Variants in ANKRD62 observed in about 807,000 individuals in gnomAD.
ANKRD62 encodes the protein ankyrin repeat domain-containing protein 62.
In ANKRD62, 61 loss-of-function variants were observed where a neutral mutation model predicts 98.8. That is an observed-to-expected ratio of 0.62 (90% confidence interval 0.50 to 0.76). ANKRD62 has a LOEUF of 0.76. Ranked by LOEUF, ANKRD62 falls within the 30% of genes least tolerant of loss-of-function variation. The probability of loss-of-function intolerance (pLI) is 0.00; values close to 1 mark genes in which losing one functional copy is unlikely to be tolerated. For synonymous variants in ANKRD62, 341 were observed against 367.9 expected, an observed-to-expected ratio of 0.93 and a Z score of 0.84; for missense variants, 933 against 1,082.9, an observed-to-expected ratio of 0.86 and a Z score of 1.94.
chr18:12,150,951 G>A, the ANKRD62 span, among the ~76,000 whole-genome samples: 2 of 152,170 alleles, frequency 1.3e-5, no homozygotes, highest in African/African-American at 4.8e-5. Context: ...AACTTTATAT[G>A]TAAATGGGTG....
chr18:12,140,622 T>C, the ANKRD62 span, among the ~76,000 whole-genome samples: 1 of 152,204 alleles, frequency 6.6e-6, no homozygotes, highest in Non-Finnish European at 1.5e-5. Context: ...CTCCAGACCC[T>C]GTTTGCCTGG....
intron 11 of ANKRD62, among the ~76,000 whole-genome samples, chr18:12,123,036 T>TG (rs201974872): frequency 0.024 from 3,710 of 151,474 alleles, 141 homozygotes; most frequent in African/African-American, 0.083. Context: ...AACCAGTTTT[T>TG]TTTGTTTGTT....
the ANKRD62 span, among the ~76,000 whole-genome samples, chr18:12,157,340 A>T: frequency 6.6e-6 from 1 of 152,318 alleles, no homozygotes; most frequent in Non-Finnish European, 1.5e-5. Context: ...AGAACATTTC[A>T]TCACTCAGAG....
chr18:12,135,283 A>C, the ANKRD62 span, among the ~76,000 whole-genome samples: 1 of 145,446 alleles, frequency 6.9e-6, no homozygotes, highest in Non-Finnish European at 1.5e-5. Flanking sequence ...ATGAGTGAGA[A>C]CATGCGGTGT....
At chr18:12,099,783 CT>C (rs1909260104) in intron 6 of ANKRD62, 101 bp downstream of exon 6, 2 of 500,658 alleles carry the variant, frequency 4.0e-6, no homozygotes, top group Admixed American at 4.2e-5. Context: ...AAAAAAACCA[CT>C]GTAAATTGAA....
chr18:12,132,494 T>C (rs577487680), downstream of ANKRD62, among the ~76,000 whole-genome samples: 39 of 152,230 alleles, frequency 2.6e-4, no homozygotes, highest in Non-Finnish European at 3.2e-4. Context: ...AAAAAGTGAT[T>C]ACAGTGGCTC....
the ANKRD62 span, among the ~76,000 whole-genome samples, chr18:12,141,498 G>C: frequency 1.3e-5 from 2 of 151,736 alleles, no homozygotes; most frequent in African/African-American, 2.4e-5. Context: ...AGGCCTCTTA[G>C]TGGTGGTGGT....
the ANKRD62 span, among the ~76,000 whole-genome samples, chr18:12,179,494 C>T: frequency 2.0e-5 from 3 of 148,464 alleles, no homozygotes; most frequent in South Asian, 6.6e-4. Context: ...TAGGACAAAA[C>T]AATTGGTGTT....
chr18:12,102,396 CCACTGGGGTTCG>C, intron 6 of ANKRD62: 1 of 565,150 alleles, frequency 1.8e-6, no homozygotes, highest in Non-Finnish European at 3.3e-6. Flanking sequence ...GCAGGTGTGA[CCACTGGGGTTCG>C]CAGCAACAGA....
At chr18:12,102,266 C>T (rs114352671) in intron 6 of ANKRD62, 2 of 759,246 alleles carry the variant, frequency 2.6e-6, no homozygotes, top group Non-Finnish European at 4.9e-6. Context: ...TGACGACCCT[C>T]TCACTAGTCC....
At chr18:12,112,989 G>A (rs952390484) in intron 8 of ANKRD62, among the ~76,000 whole-genome samples, 2 of 152,076 alleles carry the variant, frequency 1.3e-5, no homozygotes, top group Admixed American at 6.6e-5. Flanking sequence ...TCCCCATCCC[G>A]GGTTAAGTGA....
intron 5 of ANKRD62, 36 bp downstream of exon 5, chr18:12,097,813 G>T: frequency 6.5e-7 from 1 of 1,527,302 alleles, no homozygotes; most frequent in South Asian, 1.2e-5. Context: ...ACTAAATTGA[G>T]GTTTAAAGTC....
the ANKRD62 span, among the ~76,000 whole-genome samples, chr18:12,178,556 C>T: frequency 2.7e-5 from 4 of 149,206 alleles, no homozygotes; most frequent in Non-Finnish European, 5.9e-5. Context: ...ATATGAAATG[C>T]AGTGAAGAAG....
intron 8 of ANKRD62, among the ~76,000 whole-genome samples, chr18:12,108,747 A>T (rs1909470408): frequency 6.6e-6 from 1 of 152,172 alleles, no homozygotes; most frequent in African/African-American, 2.4e-5. Flanking sequence ...TCTAAGATAC[A>T]GTGGGGGTAC....
the ANKRD62 span, among the ~76,000 whole-genome samples, chr18:12,153,849 A>G: frequency 6.6e-6 from 1 of 152,204 alleles, no homozygotes; most frequent in African/African-American, 2.4e-5. Flanking sequence ...AGAAACAAGC[A>G]CTGGGGGAAA....
chr18:12,118,283 A>G (rs1318983489), intron 10 of ANKRD62, among the ~76,000 whole-genome samples: 1 of 152,128 alleles, frequency 6.6e-6, no homozygotes, highest in African/African-American at 2.4e-5. Flanking sequence ...TACATTTTCC[A>G]GAAAGTCATA....
chr18:12,119,027 T>C (rs1909728043), intron 10 of ANKRD62, among the ~76,000 whole-genome samples: 1 of 152,214 alleles, frequency 6.6e-6, no homozygotes, highest in Non-Finnish European at 1.5e-5. Flanking sequence ...AATTTCTTTT[T>C]CTAGGACGGT....
At chr18:12,153,877 A>T in the ANKRD62 span, among the ~76,000 whole-genome samples, 2,874 of 152,298 alleles carry the variant, frequency 0.019, 82 homozygotes, top group African/African-American at 0.065. Flanking sequence ...TATTCAGTAA[A>T]TGTCTGTTGA....
intron 4 of ANKRD62, among the ~76,000 whole-genome samples, chr18:12,097,133 A>T (rs1045834597): frequency 1.3e-5 from 2 of 152,220 alleles, no homozygotes; most frequent in Admixed American, 6.5e-5. Flanking sequence ...GTGGTTGTGT[A>T]TAAGTAATAT....
Sources: allele counts gnomAD v4.1 joint callset (sites outside exome capture counted in the v4.1 genomes callset), GRCh38; gene constraint gnomAD v4.1.1; transcripts MANE v1.5; gene names NCBI Gene and HGNC (gene_info 2026-07-23, HGNC 2026-07-21).